The following LAMB3 variants were observed in gnomAD, a reference collection of about 807,000 sequenced individuals.
LAMB3 encodes the protein laminin subunit beta-3.
Under a neutral mutation model 140.3 loss-of-function variants are expected in LAMB3, and 104 were observed. The observed-to-expected ratio is 0.74, with a 90% CI of 0.63 to 0.87. LAMB3 has a LOEUF of 0.87. Among genes scored for constraint, LAMB3 ranks in the 40% least tolerant of loss-of-function variants. The probability of loss-of-function intolerance (pLI) is 0.00; values close to 1 mark genes in which losing one functional copy is unlikely to be tolerated. For synonymous variants in LAMB3, 592 were observed against 602.9 expected (o/e 0.98, Z 0.26); for missense variants, 1,531 against 1,575.2 (o/e 0.97, Z 0.47).
rs1425199733 is a variant in LAMB3 at position 209,629,940 on chromosome 1, T to A, written c.944-15A>T. 6.2e-7 allele frequency: 1 copy of A among 1,612,496 alleles called. No individual in the cohort carries two copies. The highest frequency in any genetic ancestry group is 8.5e-7 in the Non-Finnish European group (1 of 1,179,404). On this transcript the variant is annotated splice_polypyrimidine_tract_variant and intron_variant, in intron 9 of 22. Coordinates refer to ENST00000356082, the MANE Select transcript of LAMB3 (RefSeq NM_000228.3). ...GCAGTCGCACCCTGGAAAAAGAGAG[T>A]CCCAGGGCTGACATCTGACCCACAC...
rs377692281 is a variant in LAMB3 at position 209,623,717 on chromosome 1, G to A, written c.2146C>T (p.Arg716Trp). Residue 716 changes from arginine (R) to tryptophan (W), a missense_variant, in exon 16 of 23, where the codon CGG becomes TGG. Coordinates refer to ENST00000356082, the MANE Select transcript of LAMB3 (RefSeq NM_000228.3). The surrounding 1 kb of genome is among the most constrained non-coding windows in gnomAD (Gnocchi z 4.2). ...ISSADPSGAF[R>W]MLSTAYEQSA... ...TGCTCGTAGGCTGTGCTCAGCATCCGGAAGGCTCCTGTGGCGAGAAGCATG... is the reference window on the plus strand; with the variant it reads ...TGCTCGTAGGCTGTGCTCAGCATCCAGAAGGCTCCTGTGGCGAGAAGCATG... 1.4e-4 allele frequency: 229 copies of A among 1,613,888 alleles called. No individual in the cohort carries two copies. Among genetic ancestry groups the A allele is most frequent in the South Asian group, 2.0e-4 (18 of 91,074 alleles).
intron 14 of LAMB3, among the ~76,000 whole-genome samples, chr1:209,624,779 C>T (rs564337119): frequency 1.5e-3 from 224 of 152,124 alleles, no homozygotes; most frequent in African/African-American, 1.9e-3. Context: ...GCTTCTTGAG[C>T]GCAAAGATTA....
chr1:209,639,624 TACAC>T (rs55827014), intron 3 of LAMB3, among the ~76,000 whole-genome samples: 1 of 151,832 alleles, frequency 6.6e-6, no homozygotes, highest in South Asian at 2.1e-4. Context: ...CATATACACA[TACAC>T]ACACACACAC....
chr1:209,625,254 A>G (rs1666388234), intron 14 of LAMB3, among the ~76,000 whole-genome samples: 1 of 152,120 alleles, frequency 6.6e-6, no homozygotes, highest in African/African-American at 2.4e-5. Flanking sequence ...GGCGGGACCA[A>G]CTTCCATTCC....
At chr1:209,633,271 G>A in intron 6 of LAMB3, 138 bp from the exon 7 acceptor site, 1 of 729,666 alleles carries the variant, frequency 1.4e-6, no homozygotes, top group South Asian at 1.5e-5. Flanking sequence ...CCATGGCTAT[G>A]AGGCTTGTCA....
chr1:209,631,029 G>C (rs1276885543), intron 8 of LAMB3, among the ~76,000 whole-genome samples: 2 of 152,224 alleles, frequency 1.3e-5, no homozygotes, highest in African/African-American at 4.8e-5. Flanking sequence ...ATGACACCCA[G>C]TCAGAGGCAG....
Position 209,626,801 on chromosome 1 carries a change from C to T in LAMB3, c.1597+66G>A. On this transcript the variant is annotated intron_variant, in intron 13 of 22. Coordinates refer to ENST00000356082, the MANE Select transcript of LAMB3 (RefSeq NM_000228.3). Reference sequence around the variant, plus strand: ...GCCCTGCTGCAGACCTACACGCCCCCACCATGTGCCCACCCGCGTGCTCGG... The same window carrying T: ...GCCCTGCTGCAGACCTACACGCCCCTACCATGTGCCCACCCGCGTGCTCGG... 3.4e-6 allele frequency: 4 copies of T among 1,183,054 alleles called. No individual in the cohort carries two copies. The Admixed American group carries it at 7.0e-5, about 21-fold the overall frequency. The allele number at this position is 1,183,054 out of a possible 1,614,324, so 73.3% of individuals were successfully genotyped here.
chr1:209,621,041 CATCAT>C (rs771681250), intron 18 of LAMB3, among the ~76,000 whole-genome samples: 6 of 152,304 alleles, frequency 3.9e-5, no homozygotes, highest in South Asian at 4.1e-4. Context: ...ACCCTGGACT[CATCAT>C]AAGACTTGAC....
Position 209,625,773 on chromosome 1 carries a change from G to A in LAMB3, c.1851C>T (p.Asp617=), listed in dbSNP as rs900142594. 4.3e-6 allele frequency: 7 copies of A among 1,614,138 alleles called. No individual in the cohort carries two copies. The highest frequency in any genetic ancestry group is 1.6e-4 in the Middle Eastern group (1 of 6,062). ...ASLWSGPGLE[D]RGLASRILDA... ...CTAGGATCCGGGAGGCCAGGCCACGGTCCTCCAGCCCAGGCCCTGACCACA... is the reference window on the plus strand; with the variant it reads ...CTAGGATCCGGGAGGCCAGGCCACGATCCTCCAGCCCAGGCCCTGACCACA... The change falls in exon 14 of 23, where the codon GAC becomes GAT. Residue 617 remains aspartate, a synonymous_variant. Coordinates refer to ENST00000356082, the MANE Select transcript of LAMB3 (RefSeq NM_000228.3).
In LAMB3 at chr1:209,637,982, C is replaced by G; in HGVS notation, c.299-1G>C. 1 of 1,612,008 alleles carries G rather than the reference C, an allele frequency of 6.2e-7. No individual in the cohort carries two copies. Among genetic ancestry groups the G allele is most frequent in the Non-Finnish European group, 8.5e-7 (1 of 1,178,982 alleles). On this transcript the variant is annotated splice_acceptor_variant, in intron 4 of 22. Transcript: ENST00000356082. LOFTEE classifies it high-confidence loss of function. ...AGCTGCAGAGAGACAGGGTTCACAT[C>G]TGGAAGGACAAAAAATAGAAACTGT...
intron 18 of LAMB3, among the ~76,000 whole-genome samples, chr1:209,619,877 C>A (rs1246788289): frequency 6.6e-6 from 1 of 152,230 alleles, no homozygotes; most frequent in Non-Finnish European, 1.5e-5. Flanking sequence ...TTGTTCATTG[C>A]TGTGTCCCTC....
At position 209,633,086 on chromosome 1, in the gene LAMB3, T is replaced by A; in HGVS notation, c.612A>T (p.Gln204His). ...CACACTGACCTTGAATTTTTTGACT[T>A]TGAGTTGCTGGAATCCCAGACACTA... Reference protein sequence around the residue: ...MDLVSGIPATQSQKIQEVGEI... With the variant: ...MDLVSGIPATHSQKIQEVGEI... Residue 204 changes from glutamine to histidine, a missense_variant, in exon 7 of 23, where the codon CAA becomes CAT. Gln to His is a conservative substitution (Grantham distance 24). Transcript: ENST00000356082. 6.2e-7 allele frequency: 1 copy of A among 1,612,206 alleles called. No homozygotes were observed. The highest frequency in any genetic ancestry group is 1.7e-4 in the Middle Eastern group (1 of 6,056).
In LAMB3 at chr1:209,627,388, T is replaced by G. The variant is rs752148248; in HGVS notation, c.1480A>C (p.Asn494His). 2.5e-6 allele frequency: 4 copies of G among 1,612,590 alleles called. No homozygotes were observed. The Admixed American group carries it at 6.7e-5, about 27-fold the overall frequency. The change falls in exon 12 of 23, where the codon AAC becomes CAC. Residue 494 changes from asparagine to histidine, a missense_variant. By Grantham distance (68) the Asn-to-His change is moderately conservative. Coordinates refer to ENST00000356082, the MANE Select transcript of LAMB3 (RefSeq NM_000228.3). ...DPHNSLSPQC[N>H]QFTGQCPCRE... ...GGACCACCCTCACTTCGTACCTGGT[T>G]GCACTGTGGGCTGAGGGAGTTGTGC...
chr1:209,650,908 G>A lies in LAMB3; in HGVS notation c.28+9C>T, dbSNP rs768454220. On this transcript the variant is annotated intron_variant, in intron 2 of 22. Coordinates refer to ENST00000356082, the MANE Select transcript of LAMB3 (RefSeq NM_000228.3). ...AACAGGGCCTGGAAGGATGGGAAGG[G>A]GTACTTACCAAAACACAAGAGGAAG... 3.1e-6 allele frequency: 5 copies of A among 1,613,748 alleles called. No individual in the cohort carries two copies. In the South Asian group the frequency reaches 3.3e-5, roughly 11 times the overall value.
chr1:209,626,620 G>A (rs556258551), intron 13 of LAMB3, among the ~76,000 whole-genome samples: 1 of 152,362 alleles, frequency 6.6e-6, no homozygotes, highest in South Asian at 2.1e-4. Flanking sequence ...TCTCTCTCAG[G>A]GAAGTGGGGA....
At position 209,618,622 on chromosome 1, in the gene LAMB3, G is replaced by T; in HGVS notation, c.2739C>A (p.Ser913Arg). The T allele has an allele frequency of 6.2e-7, 1 of 1,614,108 alleles. No homozygotes were observed. The highest frequency in any genetic ancestry group is 8.5e-7 in the Non-Finnish European group (1 of 1,180,034). Reference protein sequence around the residue: ...DTDAATIQEVSEAVLALWLPT... With the variant: ...DTDAATIQEVREAVLALWLPT... Reference sequence around the variant, plus strand: ...GCAGCCACAGGGCCAGCACGGCCTCGCTGACCTCCTGGATAGTGGCTGCAT... The same window carrying T: ...GCAGCCACAGGGCCAGCACGGCCTCTCTGACCTCCTGGATAGTGGCTGCAT... The change falls in exon 19 of 23, where the codon AGC becomes AGA. Residue 913 changes from serine (S) to arginine (R), a missense_variant. By Grantham distance (110) the Ser-to-Arg change is moderately radical (BLOSUM62 -1). Transcript: ENST00000356082.
At chr1:209,644,205 G>A (rs1188332053) in intron 3 of LAMB3, among the ~76,000 whole-genome samples, 1 of 152,216 alleles carries the variant, frequency 6.6e-6, no homozygotes, top group Admixed American at 6.5e-5. Flanking sequence ...GCGCTGGGTG[G>A]GAGGACAGCC....
intron 12 of LAMB3, 58 bp downstream of exon 12, chr1:209,627,325 C>T (rs1571813054): frequency 2.1e-6 from 3 of 1,403,702 alleles, no homozygotes; most frequent in East Asian, 2.3e-5. Flanking sequence ...AGCAGAGAGG[C>T]TGGTGCTCAG....
Position 209,632,698 on chromosome 1 carries a change from C to G in LAMB3, c.707G>C (p.Ser236Thr), listed in dbSNP as rs750934724. 18 of 1,614,106 alleles carry G rather than the reference C, an allele frequency of 1.1e-5. No homozygotes were observed. The highest frequency in any genetic ancestry group is 1.5e-5 in the Non-Finnish European group (18 of 1,180,044). Residue 236 changes from serine to threonine, a missense_variant, in exon 8 of 23, where the codon AGC becomes ACC. Transcript: ENST00000356082. ...GAGCTGGGACACAGCATAGTAGGCG[C>G]TGGGAGGGTGGTAGCCCCTTTGGGG... ...PVPQRGYHPP[S>T]AYYAVSQLRL...
Sources: gnomAD v4.1 joint callset for allele counts (sites outside exome capture counted in the v4.1 genomes callset) on GRCh38, gnomAD v4.1.1 for gene constraint, Gnocchi (gnomAD v3.1) non-coding constraint, MANE v1.5 for transcripts, NCBI Gene and HGNC (gene_info 2026-07-23, HGNC 2026-07-21) for gene names.